Variants in PGBD5 observed in about 807,000 individuals in gnomAD.
PGBD5 encodes piggyBac transposable element-derived protein 5.
PGBD5 carries 14 observed loss-of-function variants against 47.9 expected under a neutral mutation model. The ratio of observed to expected loss-of-function variants is 0.29; its 90% confidence interval spans 0.19 to 0.46. The LOEUF is 0.46. Ranked by LOEUF, PGBD5 falls within the 20% of genes least tolerant of loss-of-function variation. The pLI is 1.00. For synonymous variants in PGBD5, 316 were observed against 306.3 expected, an observed-to-expected ratio of 1.03 and a Z score of -0.33; for missense variants, 635 against 716.0, an observed-to-expected ratio of 0.89 and a Z score of 1.29.
At chr1:230,336,871 C>T (rs150629796) in intron 4 of PGBD5, among the ~76,000 whole-genome samples, 7 of 152,272 alleles carry the variant, frequency 4.6e-5, no homozygotes, top group African/African-American at 1.7e-4. Flanking sequence ...AGCTTTGCGC[C>T]GACATGTCCT....
intron 1 of PGBD5, among the ~76,000 whole-genome samples, chr1:230,359,356 G>A (rs113616991): frequency 0.011 from 1,717 of 152,230 alleles, 27 homozygotes; most frequent in African/African-American, 0.037. Context: ...GAGCCACCGC[G>A]CCCGGCCTGT....
At chr1:230,392,101 GC>G (rs1656799629) in intron 1 of PGBD5, among the ~76,000 whole-genome samples, 1 of 152,220 alleles carries the variant, frequency 6.6e-6, no homozygotes, top group South Asian at 2.1e-4. Context: ...AATCCTACTT[GC>G]TTTGATTTTT....
At chr1:230,379,984 T>C (rs939337295) in intron 1 of PGBD5, among the ~76,000 whole-genome samples, 3 of 152,224 alleles carry the variant, frequency 2.0e-5, no homozygotes, top group African/African-American at 7.2e-5. Flanking sequence ...ACCCTCAGCA[T>C]ACTGGATTGT....
chr1:230,362,325 A>T, intron 1 of PGBD5: 1 of 1,367,722 alleles, frequency 7.3e-7, no homozygotes, highest in East Asian at 4.5e-5. Flanking sequence ...CGAGGAATGG[A>T]TTATAGGGCG....
intron 1 of PGBD5, among the ~76,000 whole-genome samples, chr1:230,361,683 T>C (rs1324520293): frequency 6.6e-6 from 1 of 152,180 alleles, no homozygotes; most frequent in African/African-American, 2.4e-5. Context: ...CAAGGGCAAT[T>C]ATGGAAACCA....
chr1:230,413,151 T>C lies in PGBD5; in HGVS notation c.331+12447A>G, dbSNP rs376935694. Among the ~76,000 whole-genome samples, 63 of 152,254 alleles carry C rather than the reference T, an allele frequency of 4.1e-4. 4 individuals are homozygous for C. In the South Asian group the frequency reaches 6.2e-3, roughly 15 times the overall value. On this transcript the variant is annotated intron_variant, in intron 1 of 6. Transcript: ENST00000391860. The stretch of plus-strand genomic sequence containing the variant: ...CTACTGATGATGTTAAGTGAGGACT[T>C]ACTGTGCTTTGTGGTAAATATTACC...
In PGBD5 at chr1:230,371,870, C is replaced by T. The variant is rs1488705056; in HGVS notation, c.332-14549G>A. Among the ~76,000 whole-genome samples the T allele has an allele frequency of 3.9e-5, 6 of 152,160 alleles. No homozygotes were observed. In the East Asian group the frequency reaches 7.7e-4, roughly 20 times the overall value. ...CTTCCCGCATGATGCTGCCCTACCG[C>T]GGAAGCTCGCCACCTCAGTGCAGTA... is the stretch of plus-strand genomic sequence containing the variant. On this transcript the variant is annotated intron_variant, in intron 1 of 6. Transcript: ENST00000391860.
At chr1:230,384,306 T>A (rs1656585501) in intron 1 of PGBD5, among the ~76,000 whole-genome samples, 1 of 152,152 alleles carries the variant, frequency 6.6e-6, no homozygotes, top group Non-Finnish European at 1.5e-5. Context: ...ACATTTTGAC[T>A]GCATGGGGTG....
In PGBD5 at chr1:230,322,443, G is replaced by C. The variant is rs145549038; in HGVS notation, c.*982C>G. On this transcript the variant is annotated 3_prime_UTR_variant, in exon 7 of 7. Transcript: ENST00000391860. The surrounding 1 kb of genome is among the most constrained non-coding windows in gnomAD (Gnocchi z 5.9). ...AGCAAATGGCCATCGTAGAGAATTC[G>C]GTTGTGTGTTTCAGCAATGCTACTT... 1 of 152,320 alleles carries C rather than the reference G, an allele frequency of 6.6e-6. No homozygotes were observed. Among genetic ancestry groups the C allele is most frequent in the Non-Finnish European group, 1.5e-5 (1 of 68,056 alleles). 9.4% of individuals were successfully genotyped at this position (152,320 alleles called of 1,614,324 possible). A position where few individuals can be genotyped will look rare whatever the true frequency, so the allele number is the denominator to read the frequency against.
Position 230,325,343 on chromosome 1 carries a change from C to T in PGBD5, c.1346G>A (p.Ser449Asn). The change falls in exon 6 of 7, where the codon AGC becomes AAC. Residue 449 changes from serine to asparagine, a missense_variant. Transcript: ENST00000391860. ...LAVEAFAAHL[S>N]YICRYDDKYS... The stretch of plus-strand genomic sequence containing the variant: ...TTTGTCATCGTATCTGCAGATGTAG[C>T]TCAGGTGAGCGGCAAACGCCTCCAC... 1.2e-6 allele frequency: 2 copies of T among 1,613,792 alleles called. No homozygotes were observed. The highest frequency in any genetic ancestry group is 1.7e-6 in the Non-Finnish European group (2 of 1,179,858).
chr1:230,333,813 G>A (rs1571826300), intron 4 of PGBD5, among the ~76,000 whole-genome samples: 1 of 152,320 alleles, frequency 6.6e-6, no homozygotes, highest in Middle Eastern at 3.4e-3. Flanking sequence ...TGGCTGGTGG[G>A]CGGTAGAGAC....
chr1:230,363,309 T>C (rs1231020350), intron 1 of PGBD5, among the ~76,000 whole-genome samples: 1 of 152,146 alleles, frequency 6.6e-6, no homozygotes, highest in Non-Finnish European at 1.5e-5. Flanking sequence ...TGGCCAGGCA[T>C]GGTGGCTCAT....
At chr1:230,396,518 T>C (rs1271821589) in intron 1 of PGBD5, among the ~76,000 whole-genome samples, 2 of 138,272 alleles carry the variant, frequency 1.4e-5, no homozygotes, top group Non-Finnish European at 3.1e-5. Context: ...TACTATCAGG[T>C]TCTCCTTCCA....
At chr1:230,363,278 T>C (rs1284904406) in intron 1 of PGBD5, among the ~76,000 whole-genome samples, 1 of 152,032 alleles carries the variant, frequency 6.6e-6, no homozygotes, top group Non-Finnish European at 1.5e-5. Flanking sequence ...CCTTGCCCCA[T>C]CAGGAAGAAA....
chr1:230,325,551 TGAA>T (rs1050814826), intron 5 of PGBD5, 136 bp from the exon 6 acceptor site: 23 of 666,022 alleles, frequency 3.5e-5, no homozygotes, highest in African/African-American at 9.0e-5. Flanking sequence ...AGGGAAGAGT[TGAA>T]GAAGAACAAT....
At chr1:230,366,252 A>T (rs1330618953) in intron 1 of PGBD5, among the ~76,000 whole-genome samples, 1 of 152,162 alleles carries the variant, frequency 6.6e-6, no homozygotes, top group Non-Finnish European at 1.5e-5. Context: ...TTGCTACCCA[A>T]ACCATAGATT....
chr1:230,410,603 C>G (rs1050953621), intron 1 of PGBD5, among the ~76,000 whole-genome samples: 1 of 151,988 alleles, frequency 6.6e-6, no homozygotes, highest in African/African-American at 2.4e-5. Context: ...AAAAGGGGAA[C>G]TGGAGGATAT....
At chr1:230,422,194 C>T in intron 1 of PGBD5, among the ~76,000 whole-genome samples, 1 of 151,962 alleles carries the variant, frequency 6.6e-6, no homozygotes, top group Non-Finnish European at 1.5e-5. Context: ...GCTCAGATCC[C>T]AGCCAGCCAT....
At chr1:230,334,481 A>T (rs1439696615) in intron 4 of PGBD5, among the ~76,000 whole-genome samples, 1 of 152,258 alleles carries the variant, frequency 6.6e-6, no homozygotes, top group Non-Finnish European at 1.5e-5. Context: ...TTATAAACAC[A>T]GAAATTATTC....
Sources: allele counts gnomAD v4.1 joint callset (sites outside exome capture counted in the v4.1 genomes callset), GRCh38; gene constraint gnomAD v4.1.1; non-coding constraint Gnocchi (gnomAD v3.1); transcripts MANE v1.5; gene names NCBI Gene and HGNC (gene_info 2026-07-23, HGNC 2026-07-21).